Variants in PDE7B observed in about 807,000 individuals in gnomAD.
PDE7B encodes the protein 3',5'-cyclic-AMP phosphodiesterase 7B.
A neutral mutation model predicts 56.2 loss-of-function variants in PDE7B; 29 were observed. The observed-to-expected ratio is 0.52, with a 90% CI of 0.38 to 0.70. The LOEUF is 0.70. Among genes scored for constraint, PDE7B ranks in the 30% least tolerant of loss-of-function variants. The pLI, the probability that PDE7B is intolerant of heterozygous loss-of-function variation, is 0.00. For synonymous variants in PDE7B, 197 were observed against 196.9 expected, an observed-to-expected ratio of 1.00 and a Z score of 0.00; for missense variants, 490 against 565.0, an observed-to-expected ratio of 0.87 and a Z score of 1.35.
chr6:135,947,485 G>T lies in PDE7B; in HGVS notation c.43G>T (p.Glu15Ter). The change falls in exon 2 of 13, where the codon GAG becomes TAG. Residue 15 changes from glutamate to a stop codon, truncating the protein, a stop_gained. Transcript: ENST00000308191. LOFTEE classifies it high-confidence loss of function. Reference protein sequence around the residue: ...MVERCGEILFENPDQNAKCVC... With the variant: ...MVERCGEILF ...TCAGAGGTGTGGCGAAATCTTGTTT[G>T]AGAACCCCGATCAGAATGCCAAATG... 6.2e-7 allele frequency: 1 copy of T among 1,612,550 alleles called. No homozygotes were observed. Among genetic ancestry groups the T allele is most frequent in the Non-Finnish European group, 8.5e-7 (1 of 1,178,756 alleles).
At chr6:135,974,969 A>G (rs1427990707) in intron 2 of PDE7B, among the ~76,000 whole-genome samples, 1 of 152,142 alleles carries the variant, frequency 6.6e-6, no homozygotes, top group Middle Eastern at 3.4e-3. Context: ...AGGAGCCAAA[A>G]GGGTGAGGTG....
chr6:136,079,492 T>C (rs1777173362), intron 2 of PDE7B, among the ~76,000 whole-genome samples: 1 of 152,196 alleles, frequency 6.6e-6, no homozygotes, highest in Non-Finnish European at 1.5e-5. Context: ...TGGTGGCTAC[T>C]GTATTAGACA....
intron 1 of PDE7B, among the ~76,000 whole-genome samples, chr6:135,922,769 T>A (rs547067876): frequency 6.6e-6 from 1 of 152,332 alleles, no homozygotes; most frequent in African/African-American, 2.4e-5. Context: ...CTATGTTAAG[T>A]CAGTGTAATA....
rs1057256763 is a variant in PDE7B at position 136,147,555 on chromosome 6, C to T, written c.318+53C>T. The T allele has an allele frequency of 2.6e-6, 4 of 1,517,036 alleles. No individual in the cohort carries two copies. In the African/African-American group the frequency reaches 5.5e-5, roughly 21 times the overall value. The allele number at this position is 1,517,036 out of a possible 1,614,324, so 94.0% of individuals were successfully genotyped here. A position where few individuals can be genotyped will look rare whatever the true frequency, so the allele number is the denominator to read the frequency against. ...GCAGGCCAGTGGCCAAGAGCATGTG[C>T]CTCAGCTGATAGCACTGGTGTTGGA... On this transcript the variant is annotated intron_variant, in intron 4 of 12. Coordinates refer to ENST00000308191, the MANE Select transcript of PDE7B (RefSeq NM_018945.4).
At chr6:135,852,497 T>A (rs1262194107) in intron 1 of PDE7B, among the ~76,000 whole-genome samples, 1 of 152,002 alleles carries the variant, frequency 6.6e-6, no homozygotes, top group Non-Finnish European at 1.5e-5. Flanking sequence ...GACTTCAAGA[T>A]GAAGAAATTA....
rs367898010 is a variant in PDE7B, at chr6:135,864,855, G to A, written c.21+12836G>A. ...TGTGCACAATGTGCAGGTTTGTTAC[G>A]TATGTATACATGTGCCATGTTGGTG... On this transcript the variant is annotated intron_variant, in intron 1 of 12. Transcript: ENST00000308191. 3.8e-4 allele frequency among the ~76,000 whole-genome samples: 57 copies of A among 151,266 alleles called. No homozygotes were observed. In the South Asian group the frequency reaches 4.2e-3, roughly 11 times the overall value.
At chr6:136,039,718 C>A (rs1776384153) in intron 2 of PDE7B, among the ~76,000 whole-genome samples, 1 of 152,074 alleles carries the variant, frequency 6.6e-6, no homozygotes, top group South Asian at 2.1e-4. Flanking sequence ...ACGAATAAAA[C>A]TGAGGTTTAT....
In PDE7B at chr6:135,899,809, T is replaced by C. The variant is rs539769841; in HGVS notation, c.22-47655T>C. ...AAAGAAACACCCATGGGTAGTATAT[T>C]TTCAAAGTCATTGCACATATGATAA... On this transcript the variant is annotated intron_variant, in intron 1 of 12. Transcript: ENST00000308191. Among the ~76,000 whole-genome samples the C allele has an allele frequency of 4.1e-4, 63 of 152,254 alleles. No individual in the cohort carries two copies. The South Asian group carries it at 6.0e-3, about 15-fold the overall frequency.
intron 8 of PDE7B, among the ~76,000 whole-genome samples, chr6:136,164,285 A>G (rs1212240128): frequency 1.3e-5 from 2 of 152,108 alleles, no homozygotes; most frequent in South Asian, 2.1e-4. Context: ...AAGCCATCAG[A>G]TCTCATGAGA....
At chr6:135,880,547 G>T (rs938609384) in intron 1 of PDE7B, among the ~76,000 whole-genome samples, 3 of 152,112 alleles carry the variant, frequency 2.0e-5, no homozygotes, top group African/African-American at 7.2e-5. Context: ...ATTGGCAGTA[G>T]AAAAACTGAA....
chr6:135,998,656 T>C (rs553162781), intron 2 of PDE7B, among the ~76,000 whole-genome samples: 2 of 152,034 alleles, frequency 1.3e-5, no homozygotes, highest in East Asian at 3.9e-4. Context: ...CTCAGGAGGC[T>C]GAGGCAGGAG....
intron 1 of PDE7B, among the ~76,000 whole-genome samples, chr6:135,896,505 A>C (rs891050972): frequency 3.3e-5 from 5 of 152,062 alleles, no homozygotes; most frequent in African/African-American, 1.2e-4. Flanking sequence ...TCTGCTTCAA[A>C]ACTTTGCTAC....
chr6:135,931,949 GCGCGCACA>G (rs1049860905), intron 1 of PDE7B, among the ~76,000 whole-genome samples: 20 of 62,172 alleles, frequency 3.2e-4, no homozygotes, highest in South Asian at 1.2e-3. Context: ...ACACACACGC[GCGCGCACA>G]CACACACACA....
At chr6:136,138,875 G>A (rs1263262950) in intron 3 of PDE7B, among the ~76,000 whole-genome samples, 2 of 152,076 alleles carry the variant, frequency 1.3e-5, no homozygotes, top group Non-Finnish European at 2.9e-5. Context: ...TAGGGGGAAA[G>A]ACATTATATG....
At chr6:135,997,522 A>G (rs1451364763) in intron 2 of PDE7B, among the ~76,000 whole-genome samples, 1 of 149,952 alleles carries the variant, frequency 6.7e-6, no homozygotes, top group Non-Finnish European at 1.5e-5. Context: ...TTTCACTACT[A>G]GGAATCTATC....
intron 1 of PDE7B, among the ~76,000 whole-genome samples, chr6:135,935,202 A>ATATT (rs1466265656): frequency 1.8e-5 from 1 of 57,058 alleles, no homozygotes; most frequent in African/African-American, 6.1e-5. Flanking sequence ...ATATATATAT[A>ATATT]TATATATATA....
chr6:136,158,633 A>G (rs986066325), intron 8 of PDE7B, among the ~76,000 whole-genome samples: 3 of 152,176 alleles, frequency 2.0e-5, no homozygotes, highest in African/African-American at 7.2e-5. Flanking sequence ...AGCTGGAGTG[A>G]AGGCCAGGTC....
chr6:135,886,553 C>G (rs1449537297), intron 1 of PDE7B, among the ~76,000 whole-genome samples: 1 of 151,930 alleles, frequency 6.6e-6, no homozygotes, highest in South Asian at 2.1e-4. Flanking sequence ...CCCCAAAGTT[C>G]AAACATCACA....
At chr6:135,985,738 T>C (rs1214886343) in intron 2 of PDE7B, among the ~76,000 whole-genome samples, 1 of 152,232 alleles carries the variant, frequency 6.6e-6, no homozygotes, top group African/African-American at 2.4e-5. Context: ...AGTTCAAGCC[T>C]GGCTTAATTC....
Sources: allele counts gnomAD v4.1 joint callset (sites outside exome capture counted in the v4.1 genomes callset), GRCh38; gene constraint gnomAD v4.1.1; transcripts MANE v1.5; gene names NCBI Gene and HGNC (gene_info 2026-07-23, HGNC 2026-07-21).